FBXO8: variants seen among roughly 807,000 people sequenced by gnomAD.
FBXO8 encodes F-box only protein 8.
A neutral mutation model predicts 33.4 loss-of-function variants in FBXO8; 15 were observed. The observed-to-expected ratio is 0.45, with a 90% CI of 0.30 to 0.69. The LOEUF (loss-of-function observed/expected upper bound fraction) is 0.69, where lower values mean the gene tolerates loss of function less well. FBXO8 is among the 30% of genes least tolerant of loss of function. The pLI, the probability that FBXO8 is intolerant of heterozygous loss-of-function variation, is 0.08. For synonymous variants in FBXO8, 132 were observed against 131.5 expected (o/e 1.00, Z -0.02); for missense variants, 274 against 380.3 (o/e 0.72, Z 2.32).
Position 174,262,133 on chromosome 4 carries a change from T to C in FBXO8, c.329+631A>G, listed in dbSNP as rs186381784. The stretch of plus-strand genomic sequence containing the variant: ...TTCAGACTAGTACAATGTGGAAATT[T>C]ATGTAATCTAAGTTCAGCAAGTAAA... On this transcript the variant is annotated intron_variant, in intron 2 of 5. Coordinates refer to ENST00000393674, the MANE Select transcript of FBXO8 (RefSeq NM_012180.3). This position sits in a 1 kb window ranked among gnomAD's most constrained non-coding sequence, Gnocchi z 4.6. 5.0e-4 allele frequency among the ~76,000 whole-genome samples: 76 copies of C among 152,270 alleles called. No individual in the cohort carries two copies. Among genetic ancestry groups the C allele is most frequent in the Non-Finnish European group, 9.0e-4 (61 of 67,992 alleles).
chr4:174,237,039 T>C lies in FBXO8; in HGVS notation c.*373A>G, dbSNP rs1735902419. 2 of 158,484 alleles carry C rather than the reference T, an allele frequency of 1.3e-5. No homozygotes were observed. Among genetic ancestry groups the C allele is most frequent in the African/African-American group, 4.8e-5 (2 of 41,766 alleles). 9.8% of individuals were successfully genotyped at this position (158,484 alleles called of 1,614,324 possible). A position where few individuals can be genotyped will look rare whatever the true frequency, so the allele number is the denominator to read the frequency against. ...TAATTATGACTATAAATCTCTTTAG[T>C]TAAATATGTACACATTACATGGTAT... On this transcript the variant is annotated 3_prime_UTR_variant, in exon 6 of 6. Coordinates refer to ENST00000393674, the MANE Select transcript of FBXO8 (RefSeq NM_012180.3). This position sits in a 1 kb window ranked among gnomAD's most constrained non-coding sequence, Gnocchi z 4.4.
rs76225453 is a variant in FBXO8, at chr4:174,247,236, A to G, written c.457-6018T>C. Among the ~76,000 whole-genome samples the G allele has an allele frequency of 1.3e-5, 2 of 152,190 alleles. No homozygotes were observed. The highest frequency in any genetic ancestry group is 3.9e-4 in the East Asian group (2 of 5,178). Reference sequence around the variant, plus strand: ...AACAGTTGGTATCAATAAAAGTTACATGATGTTTTGTTTTGTTTTATTGGT... The same window carrying G: ...AACAGTTGGTATCAATAAAAGTTACGTGATGTTTTGTTTTGTTTTATTGGT... On this transcript the variant is annotated intron_variant, in intron 3 of 5. Transcript: ENST00000393674. This position sits in a 1 kb window ranked among gnomAD's most constrained non-coding sequence, Gnocchi z 4.6.
rs1421662308 is a variant in FBXO8 at position 174,270,395 on chromosome 4, T to C, written c.-8-7295A>G. 6.6e-6 allele frequency among the ~76,000 whole-genome samples: 1 copy of C among 152,124 alleles called. No homozygotes were observed. Among genetic ancestry groups the C allele is most frequent in the South Asian group, 2.1e-4 (1 of 4,828 alleles). On this transcript the variant is annotated intron_variant, in intron 1 of 5. Transcript: ENST00000393674. The surrounding 1 kb of genome is among the most constrained non-coding windows in gnomAD (Gnocchi z 4.6). ...TATTTATCTAGAAGACTGCATAAAG[T>C]TTCCTACTTAGCTAAAGGTCCTTTT...
chr4:174,270,111 C>A lies in FBXO8; in HGVS notation c.-8-7011G>T, dbSNP rs571284505. ...ATGGCTACTGAATGTGGACTGGCAACCAAACTGTGCGACCTTGAACACTCA... is the reference window on the plus strand; with the variant it reads ...ATGGCTACTGAATGTGGACTGGCAAACAAACTGTGCGACCTTGAACACTCA... On this transcript the variant is annotated intron_variant, in intron 1 of 5. Transcript: ENST00000393674. The surrounding 1 kb of genome is among the most constrained non-coding windows in gnomAD (Gnocchi z 4.6). 6.6e-6 allele frequency among the ~76,000 whole-genome samples: 1 copy of A among 152,152 alleles called. No homozygotes were observed. Among genetic ancestry groups the A allele is most frequent in the Non-Finnish European group, 1.5e-5 (1 of 68,016 alleles).
Position 174,253,712 on chromosome 4 carries a change from C to T in FBXO8, c.456+5987G>A, listed in dbSNP as rs1195249403. Among the ~76,000 whole-genome samples the T allele has an allele frequency of 6.6e-6, 1 of 152,112 alleles. No individual in the cohort carries two copies. The highest frequency in any genetic ancestry group is 2.4e-5 in the African/African-American group (1 of 41,424). ...AATCATGTAATCTTTCTATTCTATT[C>T]GCTAGTGCTCTAGGGGTGCTCGTGT... On this transcript the variant is annotated intron_variant, in intron 3 of 5. Coordinates refer to ENST00000393674, the MANE Select transcript of FBXO8 (RefSeq NM_012180.3). The surrounding 1 kb of genome is among the most constrained non-coding windows in gnomAD (Gnocchi z 4.5).
rs1376863009 is a variant in FBXO8, at chr4:174,237,814, G to A, written c.773-215C>T. 6.6e-6 allele frequency among the ~76,000 whole-genome samples: 1 copy of A among 151,956 alleles called. No individual in the cohort carries two copies. Among genetic ancestry groups the A allele is most frequent in the South Asian group, 2.1e-4 (1 of 4,828 alleles). On this transcript the variant is annotated intron_variant, in intron 5 of 5. Coordinates refer to ENST00000393674, the MANE Select transcript of FBXO8 (RefSeq NM_012180.3). This position sits in a 1 kb window ranked among gnomAD's most constrained non-coding sequence, Gnocchi z 4.4. ...AACTCAATCCTGAGCAAACCAGGAT[G>A]GTTATCATCCTATCTTAATACTAAC...
rs1417031793 is a variant in FBXO8, at chr4:174,241,609, ACATATATATTG to A, written c.457-402_457-392del. On this transcript the variant is annotated intron_variant, in intron 3 of 5. Coordinates refer to ENST00000393674, the MANE Select transcript of FBXO8 (RefSeq NM_012180.3). This position sits in a 1 kb window ranked among gnomAD's most constrained non-coding sequence, Gnocchi z 4.2. ...TACAAAACATGATTTCTTAAAGCTCACATATATATTGCAGTATGCCTTTCAAGGAAAGAGCT... is the reference window on the plus strand; with the variant it reads ...TACAAAACATGATTTCTTAAAGCTCACAGTATGCCTTTCAAGGAAAGAGCT... Among the ~76,000 whole-genome samples the A allele has an allele frequency of 1.3e-5, 2 of 151,568 alleles. No homozygotes were observed. The highest frequency in any genetic ancestry group is 3.0e-5 in the Non-Finnish European group (2 of 67,580).
chr4:174,237,349 T>A lies in FBXO8; in HGVS notation c.*63A>T. 1 of 1,419,132 alleles carries A rather than the reference T, an allele frequency of 7.0e-7. No homozygotes were observed. The highest frequency in any genetic ancestry group is 1.8e-4 in the Middle Eastern group (1 of 5,504). 87.9% of individuals were successfully genotyped at this position (1,419,132 alleles called of 1,614,324 possible). On this transcript the variant is annotated 3_prime_UTR_variant, in exon 6 of 6. Transcript: ENST00000393674. This position sits in a 1 kb window ranked among gnomAD's most constrained non-coding sequence, Gnocchi z 4.4. ...GACCAGCACTGATGTAACCCCCATATCTGCTAAGTCCTTGGGTAGCTTTAG... is the reference window on the plus strand; with the variant it reads ...GACCAGCACTGATGTAACCCCCATAACTGCTAAGTCCTTGGGTAGCTTTAG...
intron 1 of FBXO8, among the ~76,000 whole-genome samples, chr4:174,280,432 TA>T (rs971254645): frequency 1.3e-5 from 2 of 151,426 alleles, no homozygotes; most frequent in African/African-American, 2.4e-5. Flanking sequence ...TGGAGCTTCC[TA>T]AAAAAAAATT....
At chr4:174,238,029 T>C (rs768789392) in intron 5 of FBXO8, among the ~76,000 whole-genome samples, 59 of 152,128 alleles carry the variant, frequency 3.9e-4, no homozygotes, top group Non-Finnish European at 7.5e-4. Context: ...AAAATTTATA[T>C]AGAATGCTTT....
chr4:174,265,531 G>A lies in FBXO8; in HGVS notation c.-8-2431C>T, dbSNP rs1736673728. On this transcript the variant is annotated intron_variant, in intron 1 of 5. Transcript: ENST00000393674. This position sits in a 1 kb window ranked among gnomAD's most constrained non-coding sequence, Gnocchi z 4.7. The stretch of plus-strand genomic sequence containing the variant: ...AAATTATTTAGCACTAAAAAGAAAT[G>A]AGCTATCAAGCAATGAAAAGACATG... Among the ~76,000 whole-genome samples the A allele has an allele frequency of 6.6e-6, 1 of 152,058 alleles. No individual in the cohort carries two copies. Among genetic ancestry groups the A allele is most frequent in the Admixed American group, 6.6e-5 (1 of 15,250 alleles).
intron 3 of FBXO8, among the ~76,000 whole-genome samples, chr4:174,249,269 G>A (rs532816875): frequency 2.0e-5 from 3 of 151,978 alleles, no homozygotes; most frequent in South Asian, 2.1e-4. Flanking sequence ...GTTGAGTCAC[G>A]CTTCTTGGAA....
In FBXO8 at chr4:174,237,061, G is replaced by T. The variant is rs1050092; in HGVS notation, c.*351C>A. The T allele has an allele frequency of 0.062, 10,870 of 175,794 alleles. 469 individuals are homozygous for T. Among genetic ancestry groups the T allele is most frequent in the South Asian group, 0.21 (1,173 of 5,648 alleles). 10.9% of individuals were successfully genotyped at this position (175,794 alleles called of 1,614,324 possible). On this transcript the variant is annotated 3_prime_UTR_variant, in exon 6 of 6. Coordinates refer to ENST00000393674, the MANE Select transcript of FBXO8 (RefSeq NM_012180.3). This position sits in a 1 kb window ranked among gnomAD's most constrained non-coding sequence, Gnocchi z 4.4. ...TAGTTAAATATGTACACATTACATG[G>T]TATTTGTATAAAGAATGGAAATGGA...
chr4:174,238,223 G>A (rs545040228), intron 5 of FBXO8, among the ~76,000 whole-genome samples: 1 of 151,930 alleles, frequency 6.6e-6, no homozygotes, highest in East Asian at 1.9e-4. Context: ...TGCTACACCT[G>A]AGCACCATGC....
chr4:174,266,686 G>C (rs911154997), intron 1 of FBXO8, among the ~76,000 whole-genome samples: 2 of 152,108 alleles, frequency 1.3e-5, no homozygotes, highest in East Asian at 3.9e-4. Flanking sequence ...TTTAAATCCT[G>C]ACTTTATTAG....
Position 174,281,915 on chromosome 4 carries a change from A to G in FBXO8, c.-9+1495T>C, listed in dbSNP as rs1156341735. On this transcript the variant is annotated intron_variant, in intron 1 of 5. Coordinates refer to ENST00000393674, the MANE Select transcript of FBXO8 (RefSeq NM_012180.3). This position sits in a 1 kb window ranked among gnomAD's most constrained non-coding sequence, Gnocchi z 4.6. The stretch of plus-strand genomic sequence containing the variant: ...ATTCAAGAAAAAGAAACAGAAATTA[A>G]ATGCATAATTCTTAGACTTTAGTAT... Among the ~76,000 whole-genome samples, 2 of 152,252 alleles carry G rather than the reference A, an allele frequency of 1.3e-5. No homozygotes were observed.
chr4:174,250,036 G>A (rs541455857), intron 3 of FBXO8, among the ~76,000 whole-genome samples: 5 of 152,048 alleles, frequency 3.3e-5, no homozygotes, highest in African/African-American at 1.2e-4. Context: ...AGTTGTTGTA[G>A]TTGTACCTTT....
chr4:174,253,951 C>T lies in FBXO8; in HGVS notation c.456+5748G>A, dbSNP rs1476046088. 6.6e-6 allele frequency among the ~76,000 whole-genome samples: 1 copy of T among 152,130 alleles called. No individual in the cohort carries two copies. On this transcript the variant is annotated intron_variant, in intron 3 of 5. Transcript: ENST00000393674. The surrounding 1 kb of genome is among the most constrained non-coding windows in gnomAD (Gnocchi z 4.5). ...GGGTGAAAGTCAACACACTCAGGTCCATCAAGAGATCATCATCTCACTAAA... is the reference window on the plus strand; with the variant it reads ...GGGTGAAAGTCAACACACTCAGGTCTATCAAGAGATCATCATCTCACTAAA...
rs1279095489 is a variant in FBXO8 at position 174,275,482 on chromosome 4, CTA to C, written c.-9+7926_-9+7927del. Among the ~76,000 whole-genome samples, 3 of 151,940 alleles carry C rather than the reference CTA, an allele frequency of 2.0e-5. No individual in the cohort carries two copies. The highest frequency in any genetic ancestry group is 2.1e-4 in the South Asian group (1 of 4,824). On this transcript the variant is annotated intron_variant, in intron 1 of 5. Coordinates refer to ENST00000393674, the MANE Select transcript of FBXO8 (RefSeq NM_012180.3). The surrounding 1 kb of genome is among the most constrained non-coding windows in gnomAD (Gnocchi z 4.4). ...TAGGTAAAGTGTACAAGGGATGACT[CTA>C]TATTTCTTGAGACTGCATGTACATC...
Sources: allele counts gnomAD v4.1 joint callset (sites outside exome capture counted in the v4.1 genomes callset), GRCh38; gene constraint gnomAD v4.1.1; non-coding constraint Gnocchi (gnomAD v3.1); transcripts MANE v1.5; gene names NCBI Gene and HGNC (gene_info 2026-07-23, HGNC 2026-07-21).